Variants in CHST12 observed in about 807,000 individuals in gnomAD.
CHST12 encodes the protein carbohydrate (chondroitin 4) sulfotransferase 12.
A neutral mutation model predicts 27.9 loss-of-function variants in CHST12; 23 were observed. The observed-to-expected ratio is 0.82, with a 90% confidence interval of 0.59 to 1.17. CHST12 has a LOEUF of 1.17. CHST12 is among the 50% of genes most tolerant of loss of function. CHST12 has a pLI of 0.00. For synonymous variants in CHST12, 322 were observed against 273.0 expected (o/e 1.18, Z -1.77); for missense variants, 682 against 603.0 (o/e 1.13, Z -1.37).
chr7:2,414,509 T>G (rs1357107880), intron 1 of CHST12, among the ~76,000 whole-genome samples: 2 of 152,120 alleles, frequency 1.3e-5, no homozygotes, highest in African/African-American at 2.4e-5. Flanking sequence ...GGTCTTGAAC[T>G]CCTTACCTCA....
In CHST12 at chr7:2,433,840, G is replaced by GTT. The variant is rs1356113547; in HGVS notation, c.1202_1203dup (p.Leu402PhefsTer28). The GTT allele has an allele frequency of 6.2e-7, 1 of 1,600,634 alleles. No individual in the cohort carries two copies. Among genetic ancestry groups the GTT allele is most frequent in the East Asian group, 2.2e-5 (1 of 44,556 alleles). ...GTATAAACTCTACGAGGCCGACTTT[G>GTT]TTCTCTTCGGCTACCCCAAGCCCGA... On this transcript the variant is annotated frameshift_variant, in exon 2 of 2. Coordinates refer to ENST00000618655, the MANE Select transcript of CHST12 (RefSeq NM_018641.5). LOFTEE classifies it high-confidence loss of function. The surrounding 1 kb of genome is among the most constrained non-coding windows in gnomAD (Gnocchi z 6.1).
In CHST12 at chr7:2,433,634, G is replaced by T; in HGVS notation, c.995G>T (p.Cys332Phe). The T allele has an allele frequency of 6.2e-7, 1 of 1,613,758 alleles. No individual in the cohort carries two copies. The highest frequency in any genetic ancestry group is 1.1e-5 in the South Asian group (1 of 91,082). Residue 332 changes from cysteine to phenylalanine, a missense_variant, in exon 2 of 2, where the codon TGC becomes TTC. By Grantham distance (205) the Cys-to-Phe change is radical. Coordinates refer to ENST00000618655, the MANE Select transcript of CHST12 (RefSeq NM_018641.5). This position sits in a 1 kb window ranked among gnomAD's most constrained non-coding sequence, Gnocchi z 6.1. Reference sequence around the variant, plus strand: ...CAGGTGTACCGCCTCTGCCACCCGTGCCAGATCGACTACGACTTCGTGGGG... The same window carrying T: ...CAGGTGTACCGCCTCTGCCACCCGTTCCAGATCGACTACGACTTCGTGGGG... ...WRQVYRLCHP[C>F]QIDYDFVGKL... is the part of the protein sequence containing the mutation.
chr7:2,412,637 C>G (rs1224538123), intron 1 of CHST12, among the ~76,000 whole-genome samples: 2 of 152,214 alleles, frequency 1.3e-5, no homozygotes, highest in Non-Finnish European at 2.9e-5. Context: ...CCTACCAATT[C>G]TGCCTAAACA....
At chr7:2,404,866 A>G (rs1781482423) in intron 1 of CHST12, among the ~76,000 whole-genome samples, 2 of 152,234 alleles carry the variant, frequency 1.3e-5, no homozygotes, top group African/African-American at 2.4e-5. Flanking sequence ...CAAACCTCCA[A>G]TCGAGTGCAA....
intron 1 of CHST12, among the ~76,000 whole-genome samples, chr7:2,412,241 A>C (rs2115392097): frequency 6.6e-6 from 1 of 152,292 alleles, no homozygotes; most frequent in East Asian, 1.9e-4. Flanking sequence ...AAGCAAATAA[A>C]CCATAGTCCT....
chr7:2,427,848 G>A (rs1253952955), intron 1 of CHST12, among the ~76,000 whole-genome samples: 4 of 152,044 alleles, frequency 2.6e-5, no homozygotes, highest in African/African-American at 9.7e-5. Context: ...ATGGAGTCTT[G>A]CTCTGTCACC....
Position 2,435,972 on chromosome 7 carries a change from GC to G in CHST12, c.*2091del, listed in dbSNP as rs1298897347. ...TGGGGTTACAGGTGAGCGCCAGCCT[GC>G]CCAGCTAGTTTTTTATTTTCAGCAG... On this transcript the variant is annotated 3_prime_UTR_variant, in exon 2 of 2. Transcript: ENST00000618655. 6.6e-6 allele frequency: 1 copy of G among 152,000 alleles called. No individual in the cohort carries two copies. The highest frequency in any genetic ancestry group is 1.5e-5 in the Non-Finnish European group (1 of 68,056). 9.4% of individuals were successfully genotyped at this position (152,000 alleles called of 1,614,324 possible).
At chr7:2,421,628 G>A (rs554230944) in intron 1 of CHST12, among the ~76,000 whole-genome samples, 2 of 151,856 alleles carry the variant, frequency 1.3e-5, no homozygotes, top group African/African-American at 4.8e-5. Flanking sequence ...GTAGAGACAG[G>A]GTTTTGCCAT....
chr7:2,447,041 C>T lies in CHST12; in HGVS notation c.*13157C>T, dbSNP rs1345708332. 2 of 152,306 alleles carry T rather than the reference C, an allele frequency of 1.3e-5. No individual in the cohort carries two copies. The highest frequency in any genetic ancestry group is 1.3e-4 in the Admixed American group (2 of 15,276). 9.4% of individuals were successfully genotyped at this position (152,306 alleles called of 1,614,324 possible). The stretch of plus-strand genomic sequence containing the variant: ...GCCCCTGGGTCCCAGCGATCCAGCC[C>T]TGATGTGCTGAGGGTGCAGGGCCCA... On this transcript the variant is annotated 3_prime_UTR_variant, in exon 2 of 2. Coordinates refer to ENST00000618655, the MANE Select transcript of CHST12 (RefSeq NM_018641.5).
In CHST12 at chr7:2,428,195, CTCT is replaced by C. The variant is rs1782181422; in HGVS notation, c.-77-4366_-77-4364del. 2.2e-5 allele frequency among the ~76,000 whole-genome samples: 3 copies of C among 137,780 alleles called. No individual in the cohort carries two copies. The South Asian group carries it at 7.0e-4, about 32-fold the overall frequency. The allele number at this position is 137,780 out of a possible 152,430, so 90.4% of individuals were successfully genotyped here. On this transcript the variant is annotated intron_variant, in intron 1 of 1. Coordinates refer to ENST00000618655, the MANE Select transcript of CHST12 (RefSeq NM_018641.5). ...GATATTGGCCTGTAGCTTTCTCTCT[CTCT>C]TTTTTTTTTTTTTTGAGACAGAGTC...
chr7:2,432,047 C>G (rs942685488), intron 1 of CHST12, among the ~76,000 whole-genome samples: 1 of 144,970 alleles, frequency 6.9e-6, no homozygotes, highest in Non-Finnish European at 1.5e-5. Context: ...TCAGCCTTGG[C>G]AGGAGAATGG....
At chr7:2,417,387 C>CTTTTT (rs769115925) in intron 1 of CHST12, among the ~76,000 whole-genome samples, 11 of 129,676 alleles carry the variant, frequency 8.5e-5, no homozygotes, top group African/African-American at 2.3e-4. Context: ...CCATGTCTGA[C>CTTTTT]TTTTTTTTTT....
At chr7:2,418,090 C>T (rs541154060) in intron 1 of CHST12, among the ~76,000 whole-genome samples, 42 of 152,356 alleles carry the variant, frequency 2.8e-4, no homozygotes, top group South Asian at 8.3e-4. Flanking sequence ...CCTTTTCTTT[C>T]TCTAGTGTTT....
intron 1 of CHST12, among the ~76,000 whole-genome samples, chr7:2,417,161 A>G: frequency 6.6e-6 from 1 of 152,088 alleles, no homozygotes; most frequent in East Asian, 1.9e-4. Context: ...ACGGAGTCCA[A>G]AGACGAAGAC....
At chr7:2,418,407 C>T (rs1362766476) in intron 1 of CHST12, among the ~76,000 whole-genome samples, 1 of 152,216 alleles carries the variant, frequency 6.6e-6, no homozygotes, top group Non-Finnish European at 1.5e-5. Context: ...TGAAACTTTG[C>T]TCTGTGGGTT....
chr7:2,437,689 C>T lies in CHST12; in HGVS notation c.*3805C>T, dbSNP rs1782504071. ...GGTTTGGTGAAGGTGGGGCTTTAAC[C>T]TAGCTCTGCCACTTAGGAATCAGAA... On this transcript the variant is annotated 3_prime_UTR_variant, in exon 2 of 2. Coordinates refer to ENST00000618655, the MANE Select transcript of CHST12 (RefSeq NM_018641.5). 2 of 152,074 alleles carry T rather than the reference C, an allele frequency of 1.3e-5. No individual in the cohort carries two copies. Among genetic ancestry groups the T allele is most frequent in the Non-Finnish European group, 2.9e-5 (2 of 68,212 alleles). The allele number at this position is 152,074 out of a possible 1,614,324, so 9.4% of individuals were successfully genotyped here. A position where few individuals can be genotyped will look rare whatever the true frequency, so the allele number is the denominator to read the frequency against.
At position 2,445,352 on chromosome 7, in the gene CHST12, A is replaced by G. The variant is rs746200540; in HGVS notation, c.*11468A>G. The G allele has an allele frequency of 2.6e-5, 4 of 152,084 alleles. No homozygotes were observed. Among genetic ancestry groups the G allele is most frequent in the Non-Finnish European group, 4.4e-5 (3 of 68,070 alleles). 9.4% of individuals were successfully genotyped at this position (152,084 alleles called of 1,614,324 possible). A position where few individuals can be genotyped will look rare whatever the true frequency, so the allele number is the denominator to read the frequency against. ...CTTCAGAAAAAAGCTCCTGTGGGAT[A>G]TTTCTCCTCCAGCCGACCCCGCCCC... On this transcript the variant is annotated 3_prime_UTR_variant, in exon 2 of 2. Coordinates refer to ENST00000618655, the MANE Select transcript of CHST12 (RefSeq NM_018641.5).
In CHST12 at chr7:2,421,956, T is replaced by C. The variant is rs185136656; in HGVS notation, c.-77-10607T>C. Among the ~76,000 whole-genome samples, 131 of 152,362 alleles carry C rather than the reference T, an allele frequency of 8.6e-4. 1 individual carries two copies. Among genetic ancestry groups the C allele is most frequent in the Non-Finnish European group, 2.1e-4 (14 of 68,040 alleles). On this transcript the variant is annotated intron_variant, in intron 1 of 1. Coordinates refer to ENST00000618655, the MANE Select transcript of CHST12 (RefSeq NM_018641.5). ...TTATTAAATTATCCATGAAAAGTCA[T>C]AGGTTTTATAAAATGATGTAGTCAC... is the stretch of plus-strand genomic sequence containing the variant.
chr7:2,417,964 T>G (rs1313973562), intron 1 of CHST12, among the ~76,000 whole-genome samples: 1 of 152,256 alleles, frequency 6.6e-6, no homozygotes, highest in Non-Finnish European at 1.5e-5. Context: ...TCTGGGGGGC[T>G]TAATATAGAT....
Sources: gnomAD v4.1 joint callset for allele counts (sites outside exome capture counted in the v4.1 genomes callset) on GRCh38, gnomAD v4.1.1 for gene constraint, Gnocchi (gnomAD v3.1) non-coding constraint, MANE v1.5 for transcripts, NCBI Gene and HGNC (gene_info 2026-07-23, HGNC 2026-07-21) for gene names.